The following ZMIZ1 variants were observed in gnomAD, a reference collection of about 807,000 sequenced individuals.
ZMIZ1 encodes the protein zinc finger MIZ-type containing 1.
Under a neutral mutation model 113.9 loss-of-function variants are expected in ZMIZ1, and 17 were observed. That is an observed-to-expected ratio of 0.15 (90% CI 0.10 to 0.22). ZMIZ1 has a LOEUF of 0.22. Among genes scored for constraint, ZMIZ1 ranks in the 10% least tolerant of loss-of-function variants. The pLI is 1.00. For synonymous variants in ZMIZ1, 607 were observed against 603.1 expected, an observed-to-expected ratio of 1.01 and a Z score of -0.09; for missense variants, 1,059 against 1,477.8, an observed-to-expected ratio of 0.72 and a Z score of 4.65.
intron 2 of ZMIZ1, among the ~76,000 whole-genome samples, chr10:79,137,670 C>T (rs188270766): frequency 2.0e-5 from 3 of 152,266 alleles, no homozygotes; most frequent in East Asian, 3.9e-4. Flanking sequence ...GGAGCTCTCC[C>T]GGTAACTGGG....
chr10:79,193,596 C>T (rs1847698856), intron 4 of ZMIZ1, among the ~76,000 whole-genome samples: 1 of 152,200 alleles, frequency 6.6e-6, no homozygotes, highest in African/African-American at 2.4e-5. Context: ...GGATCTGTAA[C>T]TGGAAGACAT....
chr10:79,221,543 C>T (rs1045914461), intron 7 of ZMIZ1, among the ~76,000 whole-genome samples: 1 of 152,034 alleles, frequency 6.6e-6, no homozygotes. Context: ...CTTAGCATTG[C>T]CCCACCCCCA....
chr10:79,071,037 T>G (rs1261765902), intron 1 of ZMIZ1, among the ~76,000 whole-genome samples: 3 of 152,096 alleles, frequency 2.0e-5, no homozygotes, highest in African/African-American at 7.2e-5. Flanking sequence ...AGCCTTTCCC[T>G]CCTCTCTGCT....
chr10:79,107,594 G>C (rs1843607080), intron 1 of ZMIZ1, among the ~76,000 whole-genome samples: 1 of 152,150 alleles, frequency 6.6e-6, no homozygotes. Flanking sequence ...GGTGCACTGG[G>C]CACCACCGGG....
intron 1 of ZMIZ1, among the ~76,000 whole-genome samples, chr10:79,094,978 G>A (rs1843123354): frequency 6.6e-6 from 1 of 150,716 alleles, no homozygotes; most frequent in Non-Finnish European, 1.5e-5. Flanking sequence ...AAGAGAGAGA[G>A]AGAAAGCAAG....
chr10:79,176,065 CTG>C (rs1382502378), intron 4 of ZMIZ1, among the ~76,000 whole-genome samples: 2 of 152,000 alleles, frequency 1.3e-5, no homozygotes, highest in Admixed American at 6.5e-5. Context: ...AGGGAGGGCA[CTG>C]TGCATCCTGG....
At chr10:79,293,726 G>C (rs759904826) in intron 12 of ZMIZ1, 73 bp downstream of exon 12, 1 of 1,605,946 alleles carries the variant, frequency 6.2e-7, no homozygotes, top group Admixed American at 1.7e-5. Context: ...CCGTGGGTAC[G>C]GCTTTGGAAG....
intron 3 of ZMIZ1, among the ~76,000 whole-genome samples, chr10:79,151,793 T>C (rs1455125485): frequency 6.6e-6 from 1 of 151,920 alleles, no homozygotes; most frequent in East Asian, 1.9e-4. Flanking sequence ...TGAATGGGAG[T>C]GGACTCTGGA....
chr10:79,292,930 A>T (rs939625776), intron 11 of ZMIZ1: 18 of 462,724 alleles, frequency 3.9e-5, no homozygotes, highest in African/African-American at 3.2e-4. Context: ...AACTTTGGGG[A>T]TGGAGGGTGT....
At chr10:79,227,738 T>C (rs1314698932) in intron 7 of ZMIZ1, among the ~76,000 whole-genome samples, 1 of 152,124 alleles carries the variant, frequency 6.6e-6, no homozygotes, top group Non-Finnish European at 1.5e-5. Flanking sequence ...ATGGAACCCT[T>C]ATGTGTAGGT....
chr10:79,292,850 A>T (rs895236622), intron 11 of ZMIZ1: 2 of 461,752 alleles, frequency 4.3e-6, no homozygotes, highest in African/African-American at 4.0e-5. Flanking sequence ...CCCCATAGGA[A>T]TGCAGAACAG....
chr10:79,167,762 C>T (rs772162181), intron 4 of ZMIZ1, among the ~76,000 whole-genome samples: 4 of 152,196 alleles, frequency 2.6e-5, no homozygotes, highest in Admixed American at 6.5e-5. Context: ...CCTGACAGTG[C>T]GCATACACCC....
intron 6 of ZMIZ1, among the ~76,000 whole-genome samples, chr10:79,215,280 A>G (rs759770941): frequency 4.0e-5 from 6 of 150,340 alleles, no homozygotes; most frequent in Non-Finnish European, 8.8e-5. Context: ...CCCTGTGGGA[A>G]GCAGCTTGTT....
chr10:79,144,841 T>C (rs1040695524), intron 3 of ZMIZ1, among the ~76,000 whole-genome samples: 5 of 152,184 alleles, frequency 3.3e-5, no homozygotes, highest in African/African-American at 1.2e-4. Flanking sequence ...AGGTATTCAA[T>C]GTTCGGTGGG....
intron 4 of ZMIZ1, among the ~76,000 whole-genome samples, chr10:79,196,169 G>T (rs1280048601): frequency 6.6e-6 from 1 of 152,178 alleles, no homozygotes; most frequent in African/African-American, 2.4e-5. Flanking sequence ...GTTTAAAAAT[G>T]TCACCTCACC....
chr10:79,069,224 G>C lies in ZMIZ1; in HGVS notation c.-383G>C, dbSNP rs1428918196. 2.0e-5 allele frequency: 3 copies of C among 150,746 alleles called. No individual in the cohort carries two copies. Among genetic ancestry groups the C allele is most frequent in the Non-Finnish European group, 4.4e-5 (3 of 67,594 alleles). 9.3% of individuals were successfully genotyped at this position (150,746 alleles called of 1,614,324 possible). On this transcript the variant is annotated 5_prime_UTR_variant, in exon 1 of 25. Transcript: ENST00000334512. The surrounding 1 kb of genome is among the most constrained non-coding windows in gnomAD (Gnocchi z 4.6). ...GCCCGAGCCTGCCCTACCCGGCGGT[G>C]GCGGCGGCGCGTCCTCCAGCGGCGG...
intron 4 of ZMIZ1, among the ~76,000 whole-genome samples, chr10:79,196,038 C>T (rs1847818870): frequency 6.6e-6 from 1 of 152,186 alleles, no homozygotes; most frequent in Non-Finnish European, 1.5e-5. Context: ...CACCCTTCCT[C>T]TCTTTATGCC....
At chr10:79,095,760 T>G (rs1843147608) in intron 1 of ZMIZ1, among the ~76,000 whole-genome samples, 1 of 152,190 alleles carries the variant, frequency 6.6e-6, no homozygotes, top group African/African-American at 2.4e-5. Flanking sequence ...TGCAATCAAT[T>G]TCTTCCTCAG....
At position 79,114,665 on chromosome 10, in the gene ZMIZ1, C is replaced by G. The variant is rs143373758; in HGVS notation, c.-336-4250C>G. ...GCAGCTGAACAGCTGTCAGCACCCC[C>G]CTCCACAAATGCTAAGCTTTTTTTC... On this transcript the variant is annotated intron_variant, in intron 1 of 24. Coordinates refer to ENST00000334512, the MANE Select transcript of ZMIZ1 (RefSeq NM_020338.4). Among the ~76,000 whole-genome samples, 37 of 152,296 alleles carry G rather than the reference C, an allele frequency of 2.4e-4. No homozygotes were observed. In the Middle Eastern group the frequency reaches 0.01, roughly 42 times the overall value.
Sources: gnomAD v4.1 joint callset for allele counts (sites outside exome capture counted in the v4.1 genomes callset) on GRCh38, gnomAD v4.1.1 for gene constraint, Gnocchi (gnomAD v3.1) non-coding constraint, MANE v1.5 for transcripts, NCBI Gene and HGNC (gene_info 2026-07-23, HGNC 2026-07-21) for gene names.